Variants in ANTXR2 observed in about 807,000 individuals in gnomAD.
ANTXR2 encodes the protein ANTXR cell adhesion molecule 2, also known as anthrax toxin receptor 2.
ANTXR2 carries 44 observed loss-of-function variants against 73.7 expected under a neutral mutation model. The observed-to-expected ratio is 0.60, with a 90% CI of 0.47 to 0.77. The LOEUF (loss-of-function observed/expected upper bound fraction) is 0.77, where lower values mean the gene tolerates loss of function less well. Ranked by LOEUF, ANTXR2 falls within the 30% of genes least tolerant of loss-of-function variation. ANTXR2 has a pLI of 0.00. For synonymous variants in ANTXR2, 217 were observed against 205.9 expected, an observed-to-expected ratio of 1.05 and a Z score of -0.46; for missense variants, 604 against 592.5, an observed-to-expected ratio of 1.02 and a Z score of -0.20.
chr4:79,933,989 C>G (rs1490517494), intron 16 of ANTXR2, among the ~76,000 whole-genome samples: 2 of 151,994 alleles, frequency 1.3e-5, no homozygotes, highest in Admixed American at 1.3e-4. Context: ...CCGCCCGCCT[C>G]GGCCTCCCAA....
At chr4:80,060,854 A>T (rs1413504027) in intron 3 of ANTXR2, among the ~76,000 whole-genome samples, 1 of 152,178 alleles carries the variant, frequency 6.6e-6, no homozygotes, top group East Asian at 1.9e-4. Flanking sequence ...ATTAGTGGTT[A>T]TCAGCAAAAT....
chr4:80,070,015 G>C (rs1388012247), intron 2 of ANTXR2, among the ~76,000 whole-genome samples: 2 of 152,170 alleles, frequency 1.3e-5, no homozygotes, highest in African/African-American at 4.8e-5. Context: ...ATCACTTTCT[G>C]CTTAGGCATT....
At chr4:79,946,911 A>G (rs1728537228) in intron 16 of ANTXR2, among the ~76,000 whole-genome samples, 1 of 152,144 alleles carries the variant, frequency 6.6e-6, no homozygotes, top group Non-Finnish European at 1.5e-5. Context: ...TAGGCTCTAG[A>G]TAACATACAA....
rs190215205 is a variant in ANTXR2, at chr4:79,988,883, C to T, written c.1042-4020G>A. 2.4e-4 allele frequency among the ~76,000 whole-genome samples: 37 copies of T among 152,228 alleles called. 1 individual carries two copies. The highest frequency in any genetic ancestry group is 8.4e-4 in the African/African-American group (35 of 41,548). On this transcript the variant is annotated intron_variant, in intron 12 of 16. Coordinates refer to ENST00000403729, the MANE Select transcript of ANTXR2 (RefSeq NM_058172.6). ...ATTACATGGAAAGTAAACAAACTTG[C>T]TCCTAAATGACTTTCAGGCAAAGAG...
At chr4:79,936,576 T>G (rs1728270692) in intron 16 of ANTXR2, among the ~76,000 whole-genome samples, 1 of 152,114 alleles carries the variant, frequency 6.6e-6, no homozygotes. Flanking sequence ...TAATTCCTGA[T>G]GGGAGAAATT....
chr4:80,044,269 T>C (rs550965942), intron 7 of ANTXR2, among the ~76,000 whole-genome samples: 3 of 151,980 alleles, frequency 2.0e-5, no homozygotes, highest in Non-Finnish European at 4.4e-5. Context: ...CTTAGAGGTT[T>C]CATGATACAT....
At chr4:79,913,967 A>G (rs1169134072) in intron 16 of ANTXR2, among the ~76,000 whole-genome samples, 1 of 152,224 alleles carries the variant, frequency 6.6e-6, no homozygotes, top group Non-Finnish European at 1.5e-5. Context: ...GTGTCAAGTC[A>G]GATCACTAGT....
chr4:79,990,396 A>AC (rs1223189320), intron 12 of ANTXR2, among the ~76,000 whole-genome samples: 1 of 150,886 alleles, frequency 6.6e-6, no homozygotes, highest in African/African-American at 2.4e-5. Flanking sequence ...AAAAAAAAAA[A>AC]AAAAAACACC....
At chr4:79,984,690 T>G in intron 13 of ANTXR2, 129 bp downstream of exon 13, 1 of 813,052 alleles carries the variant, frequency 1.2e-6, no homozygotes, top group Non-Finnish European at 2.1e-6. Flanking sequence ...AACCACTGAT[T>G]TGTATAAATT....
At position 79,912,075 on chromosome 4, in the gene ANTXR2, A is replaced by T. The variant is rs562083515; in HGVS notation, c.1429-4608T>A. ...CCTTATTTTGGTTTGGGAATATAAT[A>T]CTCTTTGGATTCAATAAAATCATTG... On this transcript the variant is annotated intron_variant, in intron 16 of 16. Coordinates refer to ENST00000403729, the MANE Select transcript of ANTXR2 (RefSeq NM_058172.6). Among the ~76,000 whole-genome samples the T allele has an allele frequency of 2.6e-5, 4 of 152,082 alleles. No homozygotes were observed. The East Asian group carries it at 7.7e-4, about 29-fold the overall frequency.
intron 12 of ANTXR2, among the ~76,000 whole-genome samples, chr4:80,004,220 AAAAAT>A (rs1329527934): frequency 6.6e-6 from 1 of 151,904 alleles, no homozygotes; most frequent in Non-Finnish European, 1.5e-5. Context: ...AATTATGAAA[AAAAAT>A]AAAATAAAAA....
intron 3 of ANTXR2, among the ~76,000 whole-genome samples, chr4:80,059,998 T>C (rs988478604): frequency 2.0e-5 from 3 of 152,198 alleles, no homozygotes. Context: ...CTTTCTACGA[T>C]GTGTCTGTAC....
intron 16 of ANTXR2, among the ~76,000 whole-genome samples, chr4:79,926,199 A>C (rs1727774478): frequency 6.6e-6 from 1 of 152,088 alleles, no homozygotes; most frequent in South Asian, 2.1e-4. Flanking sequence ...AAGAATTAAC[A>C]CCCTATATTT....
chr4:80,036,054 GA>G (rs761073726), intron 7 of ANTXR2, 22 bp from the exon 8 acceptor site: 5 of 1,379,938 alleles, frequency 3.6e-6, no homozygotes, highest in South Asian at 2.8e-5. Flanking sequence ...AAAAAAAAAA[GA>G]TTACCAAGCT....
intron 16 of ANTXR2, among the ~76,000 whole-genome samples, chr4:79,920,114 G>T (rs1485843506): frequency 2.6e-5 from 4 of 151,462 alleles, no homozygotes; most frequent in Non-Finnish European, 5.9e-5. Context: ...TCTGCCTGCT[G>T]GAAAGGCCTA....
chr4:79,978,290 G>T, intron 14 of ANTXR2, 116 bp from the exon 15 acceptor site: 1 of 957,492 alleles, frequency 1.0e-6, no homozygotes, highest in Non-Finnish European at 1.4e-6. Flanking sequence ...AGATGAGCAG[G>T]TATCCTAATT....
intron 7 of ANTXR2, among the ~76,000 whole-genome samples, chr4:80,051,065 CTT>C (rs1246681855): frequency 2.6e-5 from 4 of 151,620 alleles, no homozygotes; most frequent in Non-Finnish European, 4.4e-5. Flanking sequence ...GTTCTGTGCT[CTT>C]TGTTTCTCAT....
At chr4:79,980,782 AAAG>A (rs1240218869) in intron 14 of ANTXR2, among the ~76,000 whole-genome samples, 1 of 152,194 alleles carries the variant, frequency 6.6e-6, no homozygotes, top group Non-Finnish European at 1.5e-5. Context: ...TATTTAATTT[AAAG>A]AAGAAGGAAG....
chr4:79,994,146 G>A (rs1249083808), intron 12 of ANTXR2, among the ~76,000 whole-genome samples: 2 of 151,198 alleles, frequency 1.3e-5, no homozygotes, highest in African/African-American at 4.9e-5. Flanking sequence ...AGCCTTTTTT[G>A]CATCAATGAC....
Sources: allele counts gnomAD v4.1 joint callset (sites outside exome capture counted in the v4.1 genomes callset), GRCh38; gene constraint gnomAD v4.1.1; transcripts MANE v1.5; gene names NCBI Gene and HGNC (gene_info 2026-07-23, HGNC 2026-07-21).